Variants in SNCAIP observed in about 807,000 individuals in gnomAD.
SNCAIP encodes the protein synuclein alpha interacting protein, also known as synphilin-1.
Under a neutral mutation model 86.7 loss-of-function variants are expected in SNCAIP, and 43 were observed. That is an observed-to-expected ratio of 0.50 (90% CI 0.39 to 0.64). The LOEUF is 0.64. Ranked by LOEUF, SNCAIP falls within the 30% of genes least tolerant of loss-of-function variation. SNCAIP has a pLI of 0.00. For missense variants in SNCAIP, 981 were observed against 1,103.1 expected (o/e 0.89, Z 1.57); for synonymous variants, 417 against 427.2 (o/e 0.98, Z 0.29).
intron 1 of SNCAIP, among the ~76,000 whole-genome samples, chr5:122,381,102 C>G (rs1176347194): frequency 2.7e-5 from 4 of 149,224 alleles, no homozygotes; most frequent in African/African-American, 1.0e-4. Flanking sequence ...TCCTTGTTGA[C>G]TTTCTGTCTC....
intron 3 of SNCAIP, among the ~76,000 whole-genome samples, chr5:122,407,993 A>C (rs7717552): frequency 0.039 from 5,899 of 152,248 alleles, 375 homozygotes; most frequent in African/African-American, 0.14. Flanking sequence ...GGAACCACAG[A>C]AAAGGACAGT....
intron 1 of SNCAIP, among the ~76,000 whole-genome samples, chr5:122,365,647 C>G (rs1024267846): frequency 1.3e-5 from 2 of 152,154 alleles, no homozygotes; most frequent in African/African-American, 4.8e-5. Context: ...CCACTGCACT[C>G]TAGTCTGGGC....
chr5:122,428,772 T>A (rs1209233420), intron 5 of SNCAIP, among the ~76,000 whole-genome samples: 1 of 149,726 alleles, frequency 6.7e-6, no homozygotes, highest in Non-Finnish European at 1.5e-5. Context: ...GGCCCCAGTG[T>A]GTGATGTTCC....
chr5:122,444,460 G>T (rs1053604946), intron 7 of SNCAIP, 103 bp from the exon 8 acceptor site: 3 of 1,049,692 alleles, frequency 2.9e-6, no homozygotes, highest in African/African-American at 1.6e-5. Context: ...CTGCTGAAAG[G>T]TCCCTAGAGG....
At chr5:122,366,253 G>A (rs755586994) in intron 1 of SNCAIP, among the ~76,000 whole-genome samples, 5 of 152,198 alleles carry the variant, frequency 3.3e-5, no homozygotes, top group Non-Finnish European at 5.9e-5. Flanking sequence ...CCACCCACAA[G>A]TTAGGGCCAC....
At chr5:122,425,719 A>C (rs304383) in intron 5 of SNCAIP, among the ~76,000 whole-genome samples, 188 bp downstream of exon 5, 52,707 of 152,088 alleles carry the variant, frequency 0.35, 9,701 homozygotes, top group African/African-American at 0.43. Context: ...CTTAATTCCC[A>C]GTTTTTGTCA....
chr5:122,409,719 T>TA (rs1773737067), intron 3 of SNCAIP, among the ~76,000 whole-genome samples: 1 of 152,224 alleles, frequency 6.6e-6, no homozygotes, highest in African/African-American at 2.4e-5. Flanking sequence ...CCTACAAAGA[T>TA]AAAATATGTG....
rs143796830 is a variant in SNCAIP at position 122,435,179 on chromosome 5, A to G, written c.1296+3097A>G. Reference sequence around the variant, plus strand: ...GAGGGTGCAATTATTTCATTGCCTGACTGTACCTGGCAGAACTAGCCACAG... The same window carrying G: ...GAGGGTGCAATTATTTCATTGCCTGGCTGTACCTGGCAGAACTAGCCACAG... On this transcript the variant is annotated intron_variant, in intron 6 of 10. Coordinates refer to ENST00000261368, the MANE Select transcript of SNCAIP (RefSeq NM_005460.4). Among the ~76,000 whole-genome samples the G allele has an allele frequency of 1.2e-3, 190 of 152,248 alleles. 4 individuals are homozygous for G. In the East Asian group the frequency reaches 0.034, roughly 27 times the overall value.
intron 1 of SNCAIP, among the ~76,000 whole-genome samples, chr5:122,356,474 T>C (rs1561570317): frequency 6.6e-6 from 1 of 152,214 alleles, no homozygotes; most frequent in Non-Finnish European, 1.5e-5. Context: ...TTTTTTTTGA[T>C]GAGACTGAAC....
At chr5:122,364,551 T>C (rs1762789371) in intron 1 of SNCAIP, among the ~76,000 whole-genome samples, 1 of 152,244 alleles carries the variant, frequency 6.6e-6, no homozygotes, top group Non-Finnish European at 1.5e-5. Context: ...TCAAGACATA[T>C]GTGTTATTTG....
intron 1 of SNCAIP, among the ~76,000 whole-genome samples, chr5:122,343,970 TTC>T (rs144868357): frequency 6.4e-4 from 97 of 152,320 alleles, no homozygotes; most frequent in African/African-American, 2.1e-3. Flanking sequence ...AATTTATTTT[TTC>T]TTTTTCTTTT....
chr5:122,434,488 C>T (rs764752121), intron 6 of SNCAIP, among the ~76,000 whole-genome samples: 4 of 152,232 alleles, frequency 2.6e-5, no homozygotes, highest in South Asian at 2.1e-4. Flanking sequence ...GTGTGACTTA[C>T]TTGGTGGGAC....
At chr5:122,315,084 A>G (rs1008084127) in intron 1 of SNCAIP, among the ~76,000 whole-genome samples, 1 of 152,232 alleles carries the variant, frequency 6.6e-6, no homozygotes, top group East Asian at 1.9e-4. Flanking sequence ...TTGCTGGATA[A>G]CAAATCCCCA....
intron 5 of SNCAIP, among the ~76,000 whole-genome samples, chr5:122,427,550 G>C (rs1332806237): frequency 6.6e-6 from 1 of 152,086 alleles, no homozygotes; most frequent in Non-Finnish European, 1.5e-5. Flanking sequence ...TATAACAAGT[G>C]CTTCCCTCTT....
At chr5:122,444,047 C>A in intron 7 of SNCAIP, 1 of 456,682 alleles carries the variant, frequency 2.2e-6, no homozygotes, top group Non-Finnish European at 4.4e-6. Context: ...GGAGCTGCTT[C>A]ACAGCCTCCC....
At chr5:122,385,670 CGTATGTGTGTGT>C (rs1258550421) in intron 1 of SNCAIP, among the ~76,000 whole-genome samples, 10 of 144,668 alleles carry the variant, frequency 6.9e-5, no homozygotes, top group Non-Finnish European at 1.4e-4. Flanking sequence ...CGTGTGCGCA[CGTATGTGTGTGT>C]GTGTGTGTGT....
chr5:122,335,422 G>A (rs752371608), intron 1 of SNCAIP, among the ~76,000 whole-genome samples: 19 of 152,114 alleles, frequency 1.2e-4, no homozygotes, highest in Non-Finnish European at 2.8e-4. Context: ...TATATTTGTA[G>A]TTGTACAGCA....
intron 1 of SNCAIP, among the ~76,000 whole-genome samples, chr5:122,326,761 G>C (rs1424290871): frequency 2.6e-5 from 4 of 151,494 alleles, no homozygotes; most frequent in East Asian, 1.9e-4. Flanking sequence ...CAAATATCTT[G>C]TTGCCAGAAG....
chr5:122,409,704 C>G (rs1773735095), intron 3 of SNCAIP, among the ~76,000 whole-genome samples: 1 of 152,154 alleles, frequency 6.6e-6, no homozygotes, highest in African/African-American at 2.4e-5. Context: ...GTGACAAACC[C>G]TAAACCTACA....
Sources: gnomAD v4.1 joint callset for allele counts (sites outside exome capture counted in the v4.1 genomes callset) on GRCh38, gnomAD v4.1.1 for gene constraint, MANE v1.5 for transcripts, NCBI Gene and HGNC (gene_info 2026-07-23, HGNC 2026-07-21) for gene names.